Variants in RBFOX1 observed in about 807,000 individuals in gnomAD.
RBFOX1 encodes the protein RNA binding protein fox-1 homolog 1.
RBFOX1 carries 8 observed loss-of-function variants against 57.7 expected under a neutral mutation model. The ratio of observed to expected loss-of-function variants is 0.14; its 90% CI spans 0.08 to 0.25. RBFOX1 has a LOEUF of 0.25. RBFOX1 is among the 10% of genes least tolerant of loss of function. The pLI, the probability that RBFOX1 is intolerant of heterozygous loss-of-function variation, is 1.00. For missense variants in RBFOX1, 611 were observed against 548.5 expected (o/e 1.11, Z -1.14); for synonymous variants, 326 against 222.4 (o/e 1.47, Z -4.15).
At chr16:5,788,079 TTGTC>T in intron 3 of RBFOX1, among the ~76,000 whole-genome samples, 1 of 152,310 alleles carries the variant, frequency 6.6e-6, no homozygotes, top group East Asian at 1.9e-4. Flanking sequence ...GTTGAAAAGA[TTGTC>T]TGTGAGCCCT....
At chr16:7,598,340 C>A (rs1418028729) in intron 9 of RBFOX1, among the ~76,000 whole-genome samples, 1 of 151,994 alleles carries the variant, frequency 6.6e-6, no homozygotes, top group Non-Finnish European at 1.5e-5. Context: ...TGATAATATG[C>A]CAGAATGCTA....
At chr16:5,746,606 T>C (rs564972483) in intron 3 of RBFOX1, among the ~76,000 whole-genome samples, 2 of 152,352 alleles carry the variant, frequency 1.3e-5, no homozygotes, top group South Asian at 4.1e-4. Flanking sequence ...GTGTCCTCTT[T>C]TATTTCATTG....
At chr16:6,443,518 G>A (rs544792535) in intron 2 of RBFOX1, among the ~76,000 whole-genome samples, 2 of 152,264 alleles carry the variant, frequency 1.3e-5, no homozygotes, top group African/African-American at 2.4e-5. Flanking sequence ...AATCTCTCAA[G>A]GATGTGAGCA....
intron 3 of RBFOX1, among the ~76,000 whole-genome samples, chr16:5,628,057 A>T (rs2048396403): frequency 6.6e-6 from 1 of 152,162 alleles, no homozygotes; most frequent in Non-Finnish European, 1.5e-5. Context: ...ATATTAAGTA[A>T]AGTAGTATAA....
At chr16:7,604,926 G>C (rs1177559634) in intron 9 of RBFOX1, among the ~76,000 whole-genome samples, 1 of 152,154 alleles carries the variant, frequency 6.6e-6, no homozygotes, top group African/African-American at 2.4e-5. Context: ...TAAGAGGTAG[G>C]AGCATCAGTA....
intron 1 of RBFOX1, among the ~76,000 whole-genome samples, chr16:6,082,216 T>G: frequency 6.9e-6 from 1 of 144,892 alleles, no homozygotes. Flanking sequence ...ATCCTTACTC[T>G]GTCACCCAGG....
rs529426906 is a variant in RBFOX1 at position 5,399,842 on chromosome 16, T to C, written c.220-67374T>C. Among the ~76,000 whole-genome samples the C allele has an allele frequency of 3.9e-5, 6 of 152,214 alleles. No individual in the cohort carries two copies. In the South Asian group the frequency reaches 1.2e-3, roughly 32 times the overall value. On this transcript the variant is annotated intron_variant, in intron 1 of 2. Coordinates refer to the RBFOX1 transcript ENST00000585867. Reference sequence around the variant, plus strand: ...ATCCCTTAAGGTGAACTGTTAAAGATGATTGGTTTTGAAGATCAAAAGCAG... The same window carrying C: ...ATCCCTTAAGGTGAACTGTTAAAGACGATTGGTTTTGAAGATCAAAAGCAG...
chr16:5,582,832 G>T (rs2046716793), intron 2 of RBFOX1, among the ~76,000 whole-genome samples: 1 of 152,166 alleles, frequency 6.6e-6, no homozygotes, highest in Non-Finnish European at 1.5e-5. Context: ...AGGCAGAAGA[G>T]CCTGGGTGAC....
Position 6,122,357 on chromosome 16 carries a change from AACACACACACACAC to A in RBFOX1, c.-127+102391_-127+102404del, listed in dbSNP as rs61531585. Among the ~76,000 whole-genome samples the A allele has an allele frequency of 9.2e-3, 1,334 of 145,452 alleles. 22 individuals are homozygous for A. The highest frequency in any genetic ancestry group is 0.031 in the African/African-American group (1,226 of 39,872). ...AACAGAACCTTGTGTCTAAAAGATA[AACACACACACACAC>A]ACACACACACACACACACACACACA... is the stretch of plus-strand genomic sequence containing the variant. On this transcript the variant is annotated intron_variant, in intron 1 of 15. Transcript: ENST00000550418.
chr16:6,885,229 A>G (rs2063747455), intron 3 of RBFOX1, among the ~76,000 whole-genome samples: 1 of 152,184 alleles, frequency 6.6e-6, no homozygotes, highest in South Asian at 2.1e-4. Flanking sequence ...GTGGTTTTTC[A>G]GATGTGGTCT....
In RBFOX1 at chr16:6,890,380, G is replaced by A. The variant is rs1205562492; in HGVS notation, c.-15-161677G>A. 5.3e-5 allele frequency among the ~76,000 whole-genome samples: 8 copies of A among 152,150 alleles called. No homozygotes were observed. The East Asian group carries it at 5.8e-4, about 11-fold the overall frequency. ...CTAAAAATACGAAAATTAGCTGGGC[G>A]TGGTGGTGGGCACCTGTAGTCCCAG... On this transcript the variant is annotated intron_variant, in intron 3 of 15. Coordinates refer to ENST00000550418, the MANE Select transcript of RBFOX1 (RefSeq NM_018723.4).
chr16:6,285,811 G>A (rs932756359), intron 1 of RBFOX1, among the ~76,000 whole-genome samples: 1 of 152,114 alleles, frequency 6.6e-6, no homozygotes, highest in Non-Finnish European at 1.5e-5. Context: ...AGTTGCAGTG[G>A]AGACATCGGA....
intron 3 of RBFOX1, among the ~76,000 whole-genome samples, chr16:6,783,214 A>T (rs116992800): frequency 0.011 from 1,662 of 152,080 alleles, 21 homozygotes; most frequent in Middle Eastern, 0.02. Flanking sequence ...TATTTGGAGA[A>T]TGAAGTCCGT....
intron 6 of RBFOX1, among the ~76,000 whole-genome samples, chr16:7,582,138 G>C (rs1034976): frequency 0.13 from 19,629 of 150,380 alleles, 3,045 homozygotes; most frequent in African/African-American, 0.37. Context: ...AGCGATTCTT[G>C]TGCCTCAGCT....
intron 2 of RBFOX1, among the ~76,000 whole-genome samples, chr16:6,552,195 T>G (rs2097003890): frequency 6.6e-6 from 1 of 152,196 alleles, no homozygotes. Context: ...TACATACCTT[T>G]GAAAGTCCTC....
chr16:7,419,031 A>C (rs2098513085), intron 4 of RBFOX1, among the ~76,000 whole-genome samples: 1 of 152,060 alleles, frequency 6.6e-6, no homozygotes, highest in African/African-American at 2.4e-5. Context: ...CAGCCCCTGG[A>C]GTAGCTGGGA....
At chr16:6,361,707 CT>C (rs1438914679) in intron 2 of RBFOX1, among the ~76,000 whole-genome samples, 2 of 151,964 alleles carry the variant, frequency 1.3e-5, no homozygotes, top group Non-Finnish European at 1.5e-5. Flanking sequence ...TACAAACCCC[CT>C]ACCTTATCTT....
intron 5 of RBFOX1, among the ~76,000 whole-genome samples, chr16:7,528,161 A>C (rs1405429600): frequency 6.6e-6 from 1 of 152,210 alleles, no homozygotes; most frequent in Non-Finnish European, 1.5e-5. Context: ...GCATATTCTA[A>C]GGGTTTGATT....
chr16:6,809,098 C>T (rs1042696934), intron 3 of RBFOX1, among the ~76,000 whole-genome samples: 1 of 152,122 alleles, frequency 6.6e-6, no homozygotes. Context: ...GCTAAGTGTT[C>T]AAAAAAGGCA....
Sources: allele counts gnomAD v4.1 joint callset (sites outside exome capture counted in the v4.1 genomes callset), GRCh38; gene constraint gnomAD v4.1.1; transcripts MANE v1.5; gene names NCBI Gene and HGNC (gene_info 2026-07-23, HGNC 2026-07-21).